The following SLC9A1 variants were observed in gnomAD, a reference collection of about 807,000 sequenced individuals.
SLC9A1 encodes sodium/hydrogen exchanger 1.
Under a neutral mutation model 67.9 loss-of-function variants are expected in SLC9A1, and 22 were observed. The ratio of observed to expected loss-of-function variants is 0.32; its 90% CI spans 0.23 to 0.46. SLC9A1 has a LOEUF of 0.46. Ranked by LOEUF, SLC9A1 falls within the 20% of genes least tolerant of loss-of-function variation. The pLI is 1.00. For missense variants in SLC9A1, 686 were observed against 1,094.8 expected (o/e 0.63, Z 5.27); for synonymous variants, 421 against 471.8 (o/e 0.89, Z 1.40).
chr1:27,121,814 C>A (rs2083306210), intron 1 of SLC9A1, among the ~76,000 whole-genome samples: 1 of 152,154 alleles, frequency 6.6e-6, no homozygotes, highest in South Asian at 2.1e-4. Flanking sequence ...CCTGGAACTT[C>A]TACCCACCTT....
intron 1 of SLC9A1, among the ~76,000 whole-genome samples, chr1:27,143,369 A>T (rs934852309): frequency 7.9e-5 from 12 of 151,954 alleles, no homozygotes; most frequent in African/African-American, 2.9e-4. Flanking sequence ...GAACCACACA[A>T]TTTCCCACCT....
chr1:27,100,777 AGCAG>A lies in SLC9A1; in HGVS notation c.2111-137_2111-134del. Reference sequence around the variant, plus strand: ...CGTCCCGGTCCCAACAGGCCTCAGAAGCAGGCCTCTGCGACCTTCCACCCCACAG... The same window carrying A: ...CGTCCCGGTCCCAACAGGCCTCAGAAGCCTCTGCGACCTTCCACCCCACAG... On this transcript the variant is annotated intron_variant, in intron 11 of 11. Transcript: ENST00000263980. This position sits in a 1 kb window ranked among gnomAD's most constrained non-coding sequence, Gnocchi z 5.6. 3 of 722,664 alleles carry A rather than the reference AGCAG, an allele frequency of 4.2e-6. No individual in the cohort carries two copies. In the South Asian group the frequency reaches 5.2e-5, roughly 13 times the overall value. 44.8% of individuals were successfully genotyped at this position (722,664 alleles called of 1,614,324 possible).
Position 27,155,060 on chromosome 1 carries a change from C to T in SLC9A1, c.-726G>A, listed in dbSNP as rs1414276768. ...CGCGACGCGGCGCTCCGCCCCGGCC[C>T]AGCTGCAGCTCCTCCTGGTCCAGCT... On this transcript the variant is annotated 5_prime_UTR_variant, in exon 1 of 12. Transcript: ENST00000263980. The surrounding 1 kb of genome is among the most constrained non-coding windows in gnomAD (Gnocchi z 4.5). 6.6e-6 allele frequency: 1 copy of T among 152,634 alleles called. No homozygotes were observed. The highest frequency in any genetic ancestry group is 2.1e-4 in the South Asian group (1 of 4,846). The allele number at this position is 152,634 out of a possible 1,614,324, so 9.5% of individuals were successfully genotyped here.
intron 1 of SLC9A1, among the ~76,000 whole-genome samples, chr1:27,131,978 A>ATATATATATATATATAT (rs1491404048): frequency 7.0e-6 from 1 of 142,088 alleles, no homozygotes; most frequent in African/African-American, 2.6e-5. Context: ...ATATATATAT[A>ATATATATATATATATAT]AAATTATGGC....
chr1:27,106,189 T>C lies in SLC9A1; in HGVS notation c.1283-102A>G. On this transcript the variant is annotated intron_variant, in intron 4 of 11. Coordinates refer to ENST00000263980, the MANE Select transcript of SLC9A1 (RefSeq NM_003047.5). The surrounding 1 kb of genome is among the most constrained non-coding windows in gnomAD (Gnocchi z 4.3). ...TCTCTGTGCATCCAGGAAGTCTCCATTACGAAGCCCACCCCGCTCACTCAA... is the reference window on the plus strand; with the variant it reads ...TCTCTGTGCATCCAGGAAGTCTCCACTACGAAGCCCACCCCGCTCACTCAA... 2 of 764,920 alleles carry C rather than the reference T, an allele frequency of 2.6e-6. No homozygotes were observed. Among genetic ancestry groups the C allele is most frequent in the Non-Finnish European group, 4.4e-6 (2 of 458,196 alleles). 47.4% of individuals were successfully genotyped at this position (764,920 alleles called of 1,614,324 possible). A position where few individuals can be genotyped will look rare whatever the true frequency, so the allele number is the denominator to read the frequency against.
At position 27,114,347 on chromosome 1, in the gene SLC9A1, T is replaced by C. The variant is rs372453039; in HGVS notation, c.353-61A>G. On this transcript the variant is annotated intron_variant, in intron 1 of 11. Coordinates refer to ENST00000263980, the MANE Select transcript of SLC9A1 (RefSeq NM_003047.5). This position sits in a 1 kb window ranked among gnomAD's most constrained non-coding sequence, Gnocchi z 5.4. ...TCGGAGGAGCCAGGAGAATAGAAGG[T>C]TGGGGATGGGCCGGGGATGAGGAGC... 2.4e-4 allele frequency: 343 copies of C among 1,424,632 alleles called. 1 individual carries two copies. The African/African-American group carries it at 4.0e-3, about 17-fold the overall frequency. The allele number at this position is 1,424,632 out of a possible 1,614,324, so 88.2% of individuals were successfully genotyped here.
chr1:27,136,238 T>A lies in SLC9A1; in HGVS notation c.352+17745A>T, dbSNP rs147192281. Among the ~76,000 whole-genome samples, 137 of 152,354 alleles carry A rather than the reference T, an allele frequency of 9.0e-4. 1 individual carries two copies. In the East Asian group the frequency reaches 0.016, roughly 18 times the overall value. ...CCAGAAGCCTCAGCTCATGGAGAAC[T>A]GCTGCTTAACTAGCAAGGGGACAGC... On this transcript the variant is annotated intron_variant, in intron 1 of 11. Transcript: ENST00000263980.
At position 27,100,387 on chromosome 1, in the gene SLC9A1, T is replaced by C; in HGVS notation, c.2368A>G (p.Arg790Gly). ...PAPSDSPSSQ[R>G]IQRCLSDPGP... ...GGGTCACTGAGGCAGCGCTGTATCC[T>C]CTGGGAGCTGGGGCTGTCACTGGGC... Residue 790 changes from arginine (R) to glycine (G), a missense_variant, in exon 12 of 12, where the codon AGG (arginine) becomes GGG (glycine). Around this residue, in one of 7 missense-constraint regions of SLC9A1, gnomAD observed 226 missense variants for 282.4 expected, o/e 0.80. Coordinates refer to ENST00000263980, the MANE Select transcript of SLC9A1 (RefSeq NM_003047.5). The surrounding 1 kb of genome is among the most constrained non-coding windows in gnomAD (Gnocchi z 5.6). The C allele has an allele frequency of 6.3e-7, 1 of 1,595,668 alleles. No individual in the cohort carries two copies. Among genetic ancestry groups the C allele is most frequent in the Non-Finnish European group, 8.5e-7 (1 of 1,170,428 alleles).
In SLC9A1 at chr1:27,105,594, G is replaced by A. The variant is rs916223960; in HGVS notation, c.1485+291C>T. 4.9e-5 allele frequency: 32 copies of A among 652,056 alleles called. No homozygotes were observed. In the Middle Eastern group the frequency reaches 1.1e-3, roughly 23 times the overall value. 40.4% of individuals were successfully genotyped at this position (652,056 alleles called of 1,614,324 possible). On this transcript the variant is annotated intron_variant, in intron 5 of 11. Coordinates refer to ENST00000263980, the MANE Select transcript of SLC9A1 (RefSeq NM_003047.5). ...TTACAGGCGTTGAGTCACCGTGCCCGGCCAGTACCCACTTCTCTTAATGCT... is the reference window on the plus strand; with the variant it reads ...TTACAGGCGTTGAGTCACCGTGCCCAGCCAGTACCCACTTCTCTTAATGCT...
At chr1:27,131,246 A>G (rs1450927835) in intron 1 of SLC9A1, among the ~76,000 whole-genome samples, 1 of 151,958 alleles carries the variant, frequency 6.6e-6, no homozygotes, top group Non-Finnish European at 1.5e-5. Context: ...CCCCCAGACC[A>G]TGGTTCTAAC....
intron 1 of SLC9A1, among the ~76,000 whole-genome samples, chr1:27,132,383 C>T (rs945759292): frequency 2.0e-5 from 3 of 152,068 alleles, no homozygotes; most frequent in Admixed American, 6.6e-5. Context: ...CGGGTTTGCT[C>T]GGCCATATAA....
chr1:27,143,430 C>T (rs2083464131), intron 1 of SLC9A1, among the ~76,000 whole-genome samples: 1 of 152,218 alleles, frequency 6.6e-6, no homozygotes, highest in South Asian at 2.1e-4. Flanking sequence ...AAAGCTGACT[C>T]CCTGTGGGCT....
intron 1 of SLC9A1, among the ~76,000 whole-genome samples, chr1:27,116,088 G>A (rs771507815): frequency 1.1e-4 from 16 of 152,198 alleles, no homozygotes; most frequent in Admixed American, 3.3e-4. Context: ...GGCTGGGCAC[G>A]GTAGCTCACG....
At position 27,118,565 on chromosome 1, in the gene SLC9A1, C is replaced by T. The variant is rs2083286188; in HGVS notation, c.353-4279G>A. ...GGGCACAGAAGGATGGCTGCGGCCC[C>T]TGGTACCCTGACAAAAGCCCTGCAT... On this transcript the variant is annotated intron_variant, in intron 1 of 11. Transcript: ENST00000263980. The surrounding 1 kb of genome is among the most constrained non-coding windows in gnomAD (Gnocchi z 4.3). Among the ~76,000 whole-genome samples, 1 of 152,188 alleles carries T rather than the reference C, an allele frequency of 6.6e-6. No homozygotes were observed. Among genetic ancestry groups the T allele is most frequent in the Non-Finnish European group, 1.5e-5 (1 of 68,034 alleles).
At chr1:27,145,128 T>G (rs1187184094) in intron 1 of SLC9A1, among the ~76,000 whole-genome samples, 1 of 151,664 alleles carries the variant, frequency 6.6e-6, no homozygotes, top group Non-Finnish European at 1.5e-5. Flanking sequence ...TCAAGAGGCT[T>G]ACATTCTTAT....
In SLC9A1 at chr1:27,109,047, C is replaced by T. The variant is rs1291628375; in HGVS notation, c.1064+480G>A. ...CTGGAACACCTTCACCCCTCACTGCCTCCCCACATCCCATTCTCCCCATTT... is the reference window on the plus strand; with the variant it reads ...CTGGAACACCTTCACCCCTCACTGCTTCCCCACATCCCATTCTCCCCATTT... On this transcript the variant is annotated intron_variant, in intron 3 of 11. Transcript: ENST00000263980. This position sits in a 1 kb window ranked among gnomAD's most constrained non-coding sequence, Gnocchi z 5.5. Among the ~76,000 whole-genome samples the T allele has an allele frequency of 6.6e-6, 1 of 152,160 alleles. No homozygotes were observed. The highest frequency in any genetic ancestry group is 2.4e-5 in the African/African-American group (1 of 41,444).
Position 27,099,292 on chromosome 1 carries a change from T to C in SLC9A1, c.*1015A>G, listed in dbSNP as rs1262900926. 6.5e-6 allele frequency: 1 copy of C among 153,066 alleles called. No homozygotes were observed. The allele number at this position is 153,066 out of a possible 1,614,324, so 9.5% of individuals were successfully genotyped here. On this transcript the variant is annotated 3_prime_UTR_variant, in exon 12 of 12. Coordinates refer to ENST00000263980, the MANE Select transcript of SLC9A1 (RefSeq NM_003047.5). The stretch of plus-strand genomic sequence containing the variant: ...AGGACTGGAGGTCAGGCCCAAGAGC[T>C]AGGCAGGTGCCAAGAGGCCAGCATC...
At chr1:27,119,435 A>G (rs1451751255) in intron 1 of SLC9A1, among the ~76,000 whole-genome samples, 2 of 152,056 alleles carry the variant, frequency 1.3e-5, no homozygotes, top group African/African-American at 4.8e-5. Context: ...TGGGGCTGCA[A>G]CTCGGCCAGG....
chr1:27,153,585 G>A (rs1033420805), intron 1 of SLC9A1, among the ~76,000 whole-genome samples: 1 of 152,182 alleles, frequency 6.6e-6, no homozygotes, highest in African/African-American at 2.4e-5. Context: ...AATTGCACTG[G>A]TTGCTGTTGA....
Sources: allele counts gnomAD v4.1 joint callset (sites outside exome capture counted in the v4.1 genomes callset), GRCh38; gene constraint gnomAD v4.1.1; regional missense constraint gnomAD v4.1.1; non-coding constraint Gnocchi (gnomAD v3.1); transcripts MANE v1.5; gene names NCBI Gene and HGNC (gene_info 2026-07-23, HGNC 2026-07-21).